The following PKP4 variants were observed in gnomAD, a reference collection of about 807,000 sequenced individuals.
PKP4 encodes plakophilin-4.
Under a neutral mutation model 145.1 loss-of-function variants are expected in PKP4, and 90 were observed. The ratio of observed to expected loss-of-function variants is 0.62; its 90% CI spans 0.52 to 0.74. The LOEUF is 0.74. Ranked by LOEUF, PKP4 falls within the 30% of genes least tolerant of loss-of-function variation. The pLI, the probability that PKP4 is intolerant of heterozygous loss-of-function variation, is 0.00. For synonymous variants in PKP4, 563 were observed against 577.2 expected (o/e 0.98, Z 0.35); for missense variants, 1,340 against 1,482.7 (o/e 0.90, Z 1.58).
chr2:158,613,894 G>A (rs2051352914), intron 4 of PKP4, among the ~76,000 whole-genome samples: 1 of 152,174 alleles, frequency 6.6e-6, no homozygotes, highest in Non-Finnish European at 1.5e-5. Flanking sequence ...AATTCAGGAT[G>A]TGGAACAACT....
intron 2 of PKP4, among the ~76,000 whole-genome samples, chr2:158,536,696 C>T (rs3771594): frequency 0.67 from 102,362 of 152,098 alleles, 34,713 homozygotes; most frequent in South Asian, 0.83. Flanking sequence ...CTAGAATTTA[C>T]AATGTCTTTT....
chr2:158,640,542 CT>C, intron 9 of PKP4, 84 bp from the exon 10 acceptor site: 3 of 1,451,346 alleles, frequency 2.1e-6, no homozygotes, highest in Non-Finnish European at 2.8e-6. Context: ...CTCAGCTGAG[CT>C]TTTTTTCCTT....
rs781333075 is a variant in PKP4, at chr2:158,663,391, C to T, written c.2523C>T (p.Ala841=). The part of the protein sequence containing the change: ...LTLLAESSNP[A]TLEGSAGSLQ... ...TTCTAGCAGAAAGTTCCAACCCAGCCACCTTGGAAGGCTCTGCAGGGTCTC... is the reference window on the plus strand; with the variant it reads ...TTCTAGCAGAAAGTTCCAACCCAGCTACCTTGGAAGGCTCTGCAGGGTCTC... Residue 841 remains alanine, a synonymous_variant, in exon 15 of 22, where the codon GCC becomes GCT. Coordinates refer to ENST00000389759, the MANE Select transcript of PKP4 (RefSeq NM_003628.6). The T allele has an allele frequency of 6.2e-7, 1 of 1,614,116 alleles. No homozygotes were observed. The highest frequency in any genetic ancestry group is 8.5e-7 in the Non-Finnish European group (1 of 1,179,986).
chr2:158,522,573 A>G (rs1368450404), intron 1 of PKP4, among the ~76,000 whole-genome samples: 1 of 152,192 alleles, frequency 6.6e-6, no homozygotes, highest in Non-Finnish European at 1.5e-5. Flanking sequence ...AGAAGCCTCA[A>G]AAGAATTCAG....
intron 16 of PKP4, among the ~76,000 whole-genome samples, chr2:158,667,529 C>T (rs1432620787): frequency 6.6e-6 from 1 of 152,066 alleles, no homozygotes; most frequent in African/African-American, 2.4e-5. Context: ...TCATGTGAAT[C>T]TATAGTAAAC....
At chr2:158,548,727 A>G (rs924958401) in intron 2 of PKP4, 3 of 267,730 alleles carry the variant, frequency 1.1e-5, no homozygotes, top group South Asian at 9.9e-5. Flanking sequence ...AAGCTGGCCC[A>G]TAAGTACTGA....
rs2057408686 is a variant in PKP4 at position 158,669,853 on chromosome 2, A to G, written c.2862A>G (p.Lys954=). 6.2e-7 allele frequency: 1 copy of G among 1,614,092 alleles called. No homozygotes were observed. The highest frequency in any genetic ancestry group is 8.5e-7 in the Non-Finnish European group (1 of 1,179,922). ...CCAGCAAAAACATGGAGAACGCAAA[A>G]GCCCTGGCCGACTCAGGAGGCATAG... The part of the protein sequence containing the change: ...EVTSKNMENA[K]ALADSGGIEK... The change falls in exon 17 of 22, where the codon AAA becomes AAG. Residue 954 remains lysine, a synonymous_variant. Coordinates refer to ENST00000389759, the MANE Select transcript of PKP4 (RefSeq NM_003628.6).
chr2:158,485,639 C>G (rs1186811313), intron 1 of PKP4, among the ~76,000 whole-genome samples: 1 of 152,178 alleles, frequency 6.6e-6, no homozygotes, highest in Non-Finnish European at 1.5e-5. Flanking sequence ...TGAGCTTAAA[C>G]ATGAGAATAG....
chr2:158,459,347 C>T (rs933677708), intron 1 of PKP4, among the ~76,000 whole-genome samples: 2 of 152,154 alleles, frequency 1.3e-5, no homozygotes, highest in African/African-American at 4.8e-5. Flanking sequence ...TATTTTATGT[C>T]AGATTCAGTA....
chr2:158,616,662 C>T (rs776591374), intron 4 of PKP4, among the ~76,000 whole-genome samples: 2 of 152,144 alleles, frequency 1.3e-5, no homozygotes, highest in Admixed American at 6.5e-5. Flanking sequence ...AACCCCTAAA[C>T]ACCATAGCAA....
intron 3 of PKP4, among the ~76,000 whole-genome samples, chr2:158,585,922 C>G (rs1292521466): frequency 6.6e-6 from 1 of 150,720 alleles, no homozygotes; most frequent in Non-Finnish European, 1.5e-5. Flanking sequence ...TAGCCTCCCC[C>G]TTTTTTCCTT....
intron 2 of PKP4, among the ~76,000 whole-genome samples, chr2:158,573,654 C>CAAAAA (rs56145817): frequency 7.8e-6 from 1 of 128,146 alleles, no homozygotes; most frequent in African/African-American, 3.1e-5. Flanking sequence ...AAATGGAAGC[C>CAAAAA]AAAAAAAAAA....
At chr2:158,629,752 C>T (rs2053171213) in intron 7 of PKP4, among the ~76,000 whole-genome samples, 1 of 152,056 alleles carries the variant, frequency 6.6e-6, no homozygotes, top group African/African-American at 2.4e-5. Context: ...TCTCTGTTGC[C>T]CAGGCTGGCG....
chr2:158,656,699 C>G (rs2055969044), intron 11 of PKP4, among the ~76,000 whole-genome samples: 1 of 152,136 alleles, frequency 6.6e-6, no homozygotes, highest in Admixed American at 6.5e-5. Flanking sequence ...GGTTCCAGTC[C>G]GACCATTCCC....
At chr2:158,474,894 C>T (rs909201617) in intron 1 of PKP4, among the ~76,000 whole-genome samples, 2 of 152,192 alleles carry the variant, frequency 1.3e-5, no homozygotes, top group Non-Finnish European at 2.9e-5. Flanking sequence ...TTGTGGGGTT[C>T]TGTATTCTCT....
chr2:158,624,539 A>G (rs1002929449), intron 6 of PKP4, among the ~76,000 whole-genome samples: 1 of 152,220 alleles, frequency 6.6e-6, no homozygotes. Flanking sequence ...AATTACATGT[A>G]ACACTTAGAA....
intron 1 of PKP4, chr2:158,458,243 C>T (rs1365662200): frequency 6.5e-6 from 1 of 153,014 alleles, no homozygotes; most frequent in Admixed American, 6.5e-5. Context: ...CCGCGGCTGC[C>T]CTAGCGCCTT....
At position 158,634,225 on chromosome 2, in the gene PKP4, G is replaced by T. The variant is rs765212515; in HGVS notation, c.1498G>T (p.Ala500Ser). 8.1e-6 allele frequency: 13 copies of T among 1,614,112 alleles called. No homozygotes were observed. In the South Asian group the frequency reaches 1.4e-4, roughly 18 times the overall value. ...QECNYNRLQH[A>S]VPADDGTTRS... ...GTGCAATTATAACAGGCTTCAGCAT[G>T]CAGTGCCGGCTGATGATGGCACCAC... The change falls in exon 9 of 22, where the codon GCA becomes TCA. Residue 500 changes from alanine to serine, a missense_variant. Transcript: ENST00000389759.
chr2:158,605,393 G>GA (rs2050574227), intron 4 of PKP4, among the ~76,000 whole-genome samples: 1 of 151,882 alleles, frequency 6.6e-6, no homozygotes, highest in Admixed American at 6.6e-5. Flanking sequence ...TCTATATTTT[G>GA]AAAAAATATA....
Sources: allele counts gnomAD v4.1 joint callset (sites outside exome capture counted in the v4.1 genomes callset), GRCh38; gene constraint gnomAD v4.1.1; transcripts MANE v1.5; gene names NCBI Gene and HGNC (gene_info 2026-07-23, HGNC 2026-07-21).